The following ORC4 variants were observed in gnomAD, a reference collection of about 807,000 sequenced individuals.
ORC4 encodes origin recognition complex subunit 4, also known as origin recognition complex, subunit 4 homolog.
A neutral mutation model predicts 63.9 loss-of-function variants in ORC4; 55 were observed. The ratio of observed to expected loss-of-function variants is 0.86; its 90% CI spans 0.69 to 1.08. The LOEUF (loss-of-function observed/expected upper bound fraction) is 1.08, where lower values mean the gene tolerates loss of function less well. Among genes scored for constraint, ORC4 ranks in the 50% least tolerant of loss-of-function variants. ORC4 has a pLI of 0.00. For missense variants in ORC4, 511 were observed against 504.4 expected (o/e 1.01, Z -0.13); for synonymous variants, 150 against 168.5 (o/e 0.89, Z 0.85).
At chr2:147,955,480 A>C in intron 6 of ORC4, 85 bp from the exon 7 acceptor site, 2 of 912,698 alleles carry the variant, frequency 2.2e-6, no homozygotes, top group East Asian at 5.1e-5. Flanking sequence ...AATTTTATAT[A>C]AACACTGTAT....
At chr2:148,012,432 A>C (rs1224389046) in intron 1 of ORC4, among the ~76,000 whole-genome samples, 1 of 152,178 alleles carries the variant, frequency 6.6e-6, no homozygotes, top group Non-Finnish European at 1.5e-5. Context: ...AACTCTTGCC[A>C]TATACAAAAA....
Position 147,931,353 on chromosome 2 carries a change from G to T in ORC4, c.*4157C>A, listed in dbSNP as rs1397192673. 1.3e-5 allele frequency: 2 copies of T among 151,870 alleles called. No homozygotes were observed. Among genetic ancestry groups the T allele is most frequent in the African/African-American group, 2.4e-5 (1 of 41,340 alleles). 9.4% of individuals were successfully genotyped at this position (151,870 alleles called of 1,614,324 possible). On this transcript the variant is annotated 3_prime_UTR_variant, in exon 14 of 14. Transcript: ENST00000392857. ...TGTCTTTATAGCAGCATGATTTATA[G>T]TCCTTTGGGTATATACCCAGTAATG...
At chr2:147,978,077 G>A (rs1411043960) in intron 1 of ORC4, among the ~76,000 whole-genome samples, 1 of 152,204 alleles carries the variant, frequency 6.6e-6, no homozygotes, top group Admixed American at 6.5e-5. Context: ...CAGGTGGCCT[G>A]TTTGCAGGGC....
At chr2:148,011,343 C>T (rs1229204747) in intron 1 of ORC4, among the ~76,000 whole-genome samples, 1 of 152,160 alleles carries the variant, frequency 6.6e-6, no homozygotes, top group South Asian at 2.1e-4. Flanking sequence ...CAGTGTGATA[C>T]ATGGTATCAA....
At chr2:147,992,702 T>C (rs1691695660) in intron 1 of ORC4, among the ~76,000 whole-genome samples, 1 of 152,196 alleles carries the variant, frequency 6.6e-6, no homozygotes, top group Non-Finnish European at 1.5e-5. Context: ...AGTATGATAC[T>C]GCTAGGGCTA....
chr2:147,946,138 A>G (rs573970844), intron 9 of ORC4, among the ~76,000 whole-genome samples: 1 of 152,198 alleles, frequency 6.6e-6, no homozygotes, highest in African/African-American at 2.4e-5. Context: ...ACGCAGTTAT[A>G]CTTCTTCACC....
chr2:147,972,119 T>C (rs1690247672), intron 4 of ORC4, among the ~76,000 whole-genome samples: 1 of 152,022 alleles, frequency 6.6e-6, no homozygotes, highest in Non-Finnish European at 1.5e-5. Context: ...CTATATTGCA[T>C]AAAGGATATC....
intron 10 of ORC4, among the ~76,000 whole-genome samples, chr2:147,943,072 G>A (rs1389854263): frequency 6.6e-6 from 1 of 152,112 alleles, no homozygotes; most frequent in East Asian, 1.9e-4. Context: ...CATCATCTGT[G>A]TAGTAAGAGC....
At chr2:148,013,606 A>G (rs1340712678) in intron 1 of ORC4, among the ~76,000 whole-genome samples, 2 of 152,210 alleles carry the variant, frequency 1.3e-5, no homozygotes, top group East Asian at 3.8e-4. Flanking sequence ...AAGAAATGAC[A>G]AATACTTGAG....
chr2:148,019,479 C>T (rs930897330), intron 1 of ORC4, among the ~76,000 whole-genome samples: 3 of 152,142 alleles, frequency 2.0e-5, no homozygotes, highest in Admixed American at 2.0e-4. Context: ...GTAGTTTCAG[C>T]TACTCGGGAG....
In ORC4 at chr2:147,932,307, G is replaced by A. The variant is rs777588916; in HGVS notation, c.*3203C>T. 8.5e-5 allele frequency: 13 copies of A among 152,088 alleles called. No individual in the cohort carries two copies. The highest frequency in any genetic ancestry group is 1.8e-4 in the Non-Finnish European group (12 of 68,026). The allele number at this position is 152,088 out of a possible 1,614,324, so 9.4% of individuals were successfully genotyped here. A position where few individuals can be genotyped will look rare whatever the true frequency, so the allele number is the denominator to read the frequency against. On this transcript the variant is annotated 3_prime_UTR_variant, in exon 14 of 14. Transcript: ENST00000392857. The stretch of plus-strand genomic sequence containing the variant: ...GCTACTGCTCAAGGAAATAAAAGAG[G>A]ATACAAACAAATGGAAGAACATTCC...
intron 1 of ORC4, among the ~76,000 whole-genome samples, chr2:147,977,260 T>C (rs59792091): frequency 0.011 from 1,643 of 152,304 alleles, 37 homozygotes; most frequent in African/African-American, 0.037. Context: ...TCTGGTCTCA[T>C]CTAATCTCCA....
Position 147,948,201 on chromosome 2 carries a change from T to G in ORC4, c.612A>C (p.Lys204Asn). ...GGTGAGAAAATCTTGACTTCACTCT[T>G]TTTTCTAAGAGTTCCAAAATATCCT... ...CRLDILELLE[K>N]RVKSRFSHRQ... Residue 204 changes from lysine to asparagine, a missense_variant, in exon 9 of 14, where the codon AAA (lysine) becomes AAC (asparagine). Lys to Asn is a moderately conservative substitution (Grantham distance 94, BLOSUM62 0). Transcript: ENST00000392857. 6.2e-7 allele frequency: 1 copy of G among 1,609,022 alleles called. No individual in the cohort carries two copies. The highest frequency in any genetic ancestry group is 8.5e-7 in the Non-Finnish European group (1 of 1,176,626).
At chr2:147,988,418 G>T (rs368721270) in intron 1 of ORC4, among the ~76,000 whole-genome samples, 3 of 151,594 alleles carry the variant, frequency 2.0e-5, no homozygotes, top group African/African-American at 7.3e-5. Context: ...GGAGTGCAAG[G>T]TTGCAATCTT....
rs770783840 is a variant in ORC4 at position 147,938,285 on chromosome 2, AG to A, written c.1054+12del. Reference sequence around the variant, plus strand: ...GGAAGAGTCAGAAAAAAGCTACTTAAGTCTCATCTCACCATTATAGACCATT... The same window carrying A: ...GGAAGAGTCAGAAAAAAGCTACTTAATCTCATCTCACCATTATAGACCATT... On this transcript the variant is annotated intron_variant, in intron 12 of 13. Transcript: ENST00000392857. 1.3e-6 allele frequency: 2 copies of A among 1,592,476 alleles called. No individual in the cohort carries two copies. Among genetic ancestry groups the A allele is most frequent in the Non-Finnish European group, 1.7e-6 (2 of 1,160,742 alleles).
intron 4 of ORC4, among the ~76,000 whole-genome samples, chr2:147,972,396 T>G (rs116447660): frequency 1.8e-3 from 277 of 152,174 alleles, no homozygotes; most frequent in African/African-American, 6.4e-3. Context: ...AAAAGACACA[T>G]AGTACATGCT....
At chr2:147,974,707 T>C (rs1443703280) in intron 2 of ORC4, among the ~76,000 whole-genome samples, 1 of 150,850 alleles carries the variant, frequency 6.6e-6, no homozygotes, top group Non-Finnish European at 1.5e-5. Flanking sequence ...ATAGCTAATA[T>C]CTGTAAAAAT....
intron 3 of ORC4, among the ~76,000 whole-genome samples, chr2:147,973,168 C>T (rs1489613260): frequency 1.3e-5 from 2 of 152,136 alleles, no homozygotes; most frequent in Non-Finnish European, 2.9e-5. Flanking sequence ...CCATAGCTGG[C>T]TGCTGGGTAT....
chr2:147,931,553 C>T lies in ORC4; in HGVS notation c.*3957G>A, dbSNP rs1196105013. On this transcript the variant is annotated 3_prime_UTR_variant, in exon 14 of 14. Coordinates refer to ENST00000392857, the MANE Select transcript of ORC4 (RefSeq NM_181741.4). ...GACTTTTTAATGATTGCCATTCTAA[C>T]TGGATAAAATACTGGCAAAACGAAT... 1 of 152,174 alleles carries T rather than the reference C, an allele frequency of 6.6e-6. No individual in the cohort carries two copies. The highest frequency in any genetic ancestry group is 1.5e-5 in the Non-Finnish European group (1 of 68,102). The allele number at this position is 152,174 out of a possible 1,614,324, so 9.4% of individuals were successfully genotyped here. A position where few individuals can be genotyped will look rare whatever the true frequency, so the allele number is the denominator to read the frequency against.
Sources: allele counts gnomAD v4.1 joint callset (sites outside exome capture counted in the v4.1 genomes callset), GRCh38; gene constraint gnomAD v4.1.1; transcripts MANE v1.5; gene names NCBI Gene and HGNC (gene_info 2026-07-23, HGNC 2026-07-21).